The following ANKRD44 variants were observed in gnomAD, a reference collection of about 807,000 sequenced individuals.
The protein encoded by ANKRD44 is serine/threonine-protein phosphatase 6 regulatory ankyrin repeat subunit B.
ANKRD44 carries 35 observed loss-of-function variants against 116.0 expected under a neutral mutation model. That is an observed-to-expected ratio of 0.30 (90% confidence interval 0.23 to 0.40). The LOEUF (loss-of-function observed/expected upper bound fraction) is 0.40, where lower values mean the gene tolerates loss of function less well. Among genes scored for constraint, ANKRD44 ranks in the 10% least tolerant of loss-of-function variants. The pLI is 1.00. For missense variants in ANKRD44, 1,014 were observed against 1,242.6 expected (o/e 0.82, Z 2.77); for synonymous variants, 435 against 461.8 (o/e 0.94, Z 0.74).
chr2:197,206,245 A>G (rs2081202055), intron 1 of ANKRD44, among the ~76,000 whole-genome samples: 1 of 152,198 alleles, frequency 6.6e-6, no homozygotes, highest in Non-Finnish European at 1.5e-5. Context: ...AGTAAATAAT[A>G]TTACAGAGCC....
At chr2:197,025,075 G>T in intron 17 of ANKRD44, 121 bp downstream of exon 17, 1 of 947,758 alleles carries the variant, frequency 1.1e-6, no homozygotes, top group Non-Finnish European at 1.6e-6. Context: ...CTTTTACCAC[G>T]GACTACTTTC....
At chr2:197,037,700 G>A (rs2076833503) in intron 16 of ANKRD44, among the ~76,000 whole-genome samples, 1 of 152,218 alleles carries the variant, frequency 6.6e-6, no homozygotes, top group East Asian at 1.9e-4. Flanking sequence ...CACTTTGAGA[G>A]GCCAACGTGG....
chr2:197,140,823 T>A (rs2125406515), intron 3 of ANKRD44, among the ~76,000 whole-genome samples: 1 of 152,304 alleles, frequency 6.6e-6, no homozygotes, highest in East Asian at 1.9e-4. Flanking sequence ...ATTGTGGTGA[T>A]AATTTCATGG....
chr2:197,063,697 G>T lies in ANKRD44; in HGVS notation c.1650+15006C>A, dbSNP rs558548832. Among the ~76,000 whole-genome samples the T allele has an allele frequency of 5.3e-5, 8 of 152,318 alleles. No homozygotes were observed. In the South Asian group the frequency reaches 1.5e-3, roughly 28 times the overall value. ...CCGATTCGATCAACTGGAAGAAACA[G>T]TATCAGCGATTGAAGATCAAATGAA... On this transcript the variant is annotated intron_variant, in intron 16 of 27. Transcript: ENST00000282272.
intron 2 of ANKRD44, among the ~76,000 whole-genome samples, chr2:197,152,939 GGAC>G: frequency 6.6e-6 from 1 of 152,204 alleles, no homozygotes; most frequent in South Asian, 2.1e-4. Flanking sequence ...AGTTTGGGCC[GGAC>G]GTGGTGGCTC....
rs187664764 is a variant in ANKRD44, at chr2:197,193,739, G to A, written c.28-6633C>T. On this transcript the variant is annotated intron_variant, in intron 1 of 27. Transcript: ENST00000282272. ...CTAAAAATACAAAAAAAACTTAGCC[G>A]GGCCTGGTGGCGGTCGCCCGTAGTC... Among the ~76,000 whole-genome samples, 238 of 152,082 alleles carry A rather than the reference G, an allele frequency of 1.6e-3. 1 individual carries two copies. The highest frequency in any genetic ancestry group is 6.6e-3 in the East Asian group (34 of 5,174).
chr2:197,012,383 A>G (rs1295989479), intron 18 of ANKRD44, among the ~76,000 whole-genome samples: 1 of 152,220 alleles, frequency 6.6e-6, no homozygotes, highest in Non-Finnish European at 1.5e-5. Context: ...CAAAAATAGG[A>G]TGCTTCTCTT....
chr2:197,026,498 G>C (rs2076598094), intron 16 of ANKRD44, among the ~76,000 whole-genome samples: 1 of 152,194 alleles, frequency 6.6e-6, no homozygotes, highest in South Asian at 2.1e-4. Context: ...GCCAACAGCT[G>C]CCAAGACCCT....
chr2:197,053,278 C>A (rs1395525839), intron 16 of ANKRD44, among the ~76,000 whole-genome samples: 3 of 152,124 alleles, frequency 2.0e-5, no homozygotes, highest in African/African-American at 4.8e-5. Context: ...AGAAAATAAA[C>A]CAGAATGGAA....
At chr2:197,061,816 T>A (rs2077320791) in intron 16 of ANKRD44, among the ~76,000 whole-genome samples, 1 of 147,690 alleles carries the variant, frequency 6.8e-6, no homozygotes, top group Non-Finnish European at 1.5e-5. Context: ...AGTCTCACTC[T>A]ATTGTCCAGG....
At chr2:197,260,240 C>T (rs577389570) in intron 1 of ANKRD44, among the ~76,000 whole-genome samples, 3 of 152,162 alleles carry the variant, frequency 2.0e-5, no homozygotes, top group Admixed American at 6.5e-5. Flanking sequence ...CCACTCCCCC[C>T]ACTCCACAAC....
In ANKRD44 at chr2:197,310,572, CG is replaced by C. The variant is rs1267084132; in HGVS notation, c.27+5del. 6.5e-6 allele frequency: 8 copies of C among 1,226,682 alleles called. No individual in the cohort carries two copies. Among genetic ancestry groups the C allele is most frequent in the South Asian group, 5.5e-5 (3 of 54,152 alleles). The allele number at this position is 1,226,682 out of a possible 1,614,324, so 76.0% of individuals were successfully genotyped here. A position where few individuals can be genotyped will look rare whatever the true frequency, so the allele number is the denominator to read the frequency against. On this transcript the variant is annotated splice_donor_5th_base_variant and intron_variant, in intron 1 of 27. Coordinates refer to ENST00000282272, the MANE Select transcript of ANKRD44 (RefSeq NM_001195144.2). ...CGTCCCGCCCGCCGGCGCCGCCGCCCGCTACCTGGTCGGTGAGTTTGAGCAC... is the reference window on the plus strand; with the variant it reads ...CGTCCCGCCCGCCGGCGCCGCCGCCCCTACCTGGTCGGTGAGTTTGAGCAC...
chr2:197,275,003 G>A (rs1198890554), intron 1 of ANKRD44, among the ~76,000 whole-genome samples: 3 of 152,162 alleles, frequency 2.0e-5, no homozygotes, highest in Admixed American at 6.5e-5. Flanking sequence ...TTGGGAGGCT[G>A]TGGTAGGAGG....
chr2:197,005,590 A>T, intron 21 of ANKRD44, 104 bp downstream of exon 21: 1 of 1,072,908 alleles, frequency 9.3e-7, no homozygotes, highest in East Asian at 2.4e-5. Flanking sequence ...GAAAGATTAG[A>T]AACCATGGTT....
At chr2:197,245,481 G>A (rs1336132314) in intron 1 of ANKRD44, among the ~76,000 whole-genome samples, 3 of 152,072 alleles carry the variant, frequency 2.0e-5, no homozygotes, top group Non-Finnish European at 4.4e-5. Context: ...TGGATACCAA[G>A]GGACAGCAGT....
chr2:197,202,412 A>G (rs2081112329), intron 1 of ANKRD44, among the ~76,000 whole-genome samples: 2 of 151,920 alleles, frequency 1.3e-5, no homozygotes. Context: ...TGGAAAAAAA[A>G]AAAACCCAAT....
chr2:197,187,589 A>G (rs2080710294), intron 1 of ANKRD44, among the ~76,000 whole-genome samples: 1 of 151,992 alleles, frequency 6.6e-6, no homozygotes, highest in Non-Finnish European at 1.5e-5. Context: ...GCCCTGATCC[A>G]ATAGGACCGG....
At chr2:197,187,732 T>C (rs149869231) in intron 1 of ANKRD44, among the ~76,000 whole-genome samples, 6 of 152,082 alleles carry the variant, frequency 3.9e-5, no homozygotes, top group East Asian at 1.9e-4. Flanking sequence ...GGAAAGGCCA[T>C]GTGAAGACAC....
chr2:197,051,069 C>T (rs1439362146), intron 16 of ANKRD44, among the ~76,000 whole-genome samples: 1 of 149,348 alleles, frequency 6.7e-6, no homozygotes, highest in Non-Finnish European at 1.5e-5. Context: ...CTCAAGTGAT[C>T]CTCCCACCTC....
Sources: allele counts gnomAD v4.1 joint callset (sites outside exome capture counted in the v4.1 genomes callset), GRCh38; gene constraint gnomAD v4.1.1; transcripts MANE v1.5; gene names NCBI Gene and HGNC (gene_info 2026-07-23, HGNC 2026-07-21).